The following FNDC1 variants were observed in gnomAD, a reference collection of about 807,000 sequenced individuals.
The protein encoded by FNDC1 is fibronectin type III domain-containing protein 1.
FNDC1 carries 96 observed loss-of-function variants against 168.0 expected under a neutral mutation model. The ratio of observed to expected loss-of-function variants is 0.57; its 90% CI spans 0.48 to 0.68. The LOEUF (loss-of-function observed/expected upper bound fraction) is 0.68. Ranked by LOEUF, FNDC1 falls within the 30% of genes least tolerant of loss-of-function variation. FNDC1 has a pLI of 0.00. For synonymous variants in FNDC1, 1,099 were observed against 1,025.9 expected (o/e 1.07, Z -1.36); for missense variants, 2,587 against 2,482.1 (o/e 1.04, Z -0.90).
intron 6 of FNDC1, 49 bp downstream of exon 6, chr6:159,221,745 C>A: frequency 2.2e-6 from 3 of 1,356,890 alleles, no homozygotes; most frequent in Non-Finnish European, 3.2e-6. Context: ...GGTATGAATG[C>A]TATGTTGTTT....
Position 159,271,544 on chromosome 6 carries a change from C to A in FNDC1, c.*102C>A, listed in dbSNP as rs1777749913. The A allele has an allele frequency of 1.2e-6, 1 of 854,286 alleles. No homozygotes were observed. Among genetic ancestry groups the A allele is most frequent in the Non-Finnish European group, 1.9e-6 (1 of 522,148 alleles). The allele number at this position is 854,286 out of a possible 1,614,324, so 52.9% of individuals were successfully genotyped here. The stretch of plus-strand genomic sequence containing the variant: ...CAGCCAGCGTGCTCAGCCCCGCTGC[C>A]CTAGGTGCCAGGAAGGTCATAGATG... On this transcript the variant is annotated 3_prime_UTR_variant, in exon 23 of 23. Transcript: ENST00000297267.
intron 4 of FNDC1, among the ~76,000 whole-genome samples, chr6:159,204,069 A>G (rs150769027): frequency 4.5e-4 from 69 of 152,254 alleles, no homozygotes; most frequent in East Asian, 7.7e-4. Flanking sequence ...TTTTCTTTAC[A>G]TTATATTTTA....
chr6:159,256,621 C>G lies in FNDC1; in HGVS notation c.5164C>G (p.Pro1722Ala). 1.2e-6 allele frequency: 2 copies of G among 1,610,002 alleles called. No individual in the cohort carries two copies. Among genetic ancestry groups the G allele is most frequent in the Non-Finnish European group, 1.7e-6 (2 of 1,176,292 alleles). ...VTHLPIENLKPNTRYYFKVQA... is the reference protein window; with the variant it reads ...VTHLPIENLKANTRYYFKVQA... The stretch of plus-strand genomic sequence containing the variant: ...TCACTTGCCCATTGAGAACCTAAAG[C>G]CCAACACGAGGTACGATGTGTCAGT... Residue 1722 changes from proline (P) to alanine (A), a missense_variant, in exon 18 of 23, where the codon CCC (proline) becomes GCC (alanine). By Grantham distance (27) the Pro-to-Ala change is conservative. Coordinates refer to ENST00000297267, the MANE Select transcript of FNDC1 (RefSeq NM_032532.3).
rs769040295 is a variant in FNDC1 at position 159,231,864 on chromosome 6, C to T, written c.1370-18C>T. On this transcript the variant is annotated intron_variant, in intron 10 of 22. Transcript: ENST00000297267. The stretch of plus-strand genomic sequence containing the variant: ...TGAGTTTCTTCTTTGACAGGCAATT[C>T]TTTAAAATCTGTTGCAGCCAGTAAG... The T allele has an allele frequency of 3.2e-6, 5 of 1,566,390 alleles. No individual in the cohort carries two copies. Among genetic ancestry groups the T allele is most frequent in the Non-Finnish European group, 4.3e-6 (5 of 1,161,632 alleles).
At position 159,234,482 on chromosome 6, in the gene FNDC1, A is replaced by T; in HGVS notation, c.3967+3A>T. The stretch of plus-strand genomic sequence containing the variant: ...TGCCAGACCCTCTTACAGACAAGGT[A>T]GTTTATTTTTTCAAACAGTCTTTCT... On this transcript the variant is annotated splice_donor_region_variant and intron_variant, in intron 11 of 22. Coordinates refer to ENST00000297267, the MANE Select transcript of FNDC1 (RefSeq NM_032532.3). 1 of 1,612,886 alleles carries T rather than the reference A, an allele frequency of 6.2e-7. No homozygotes were observed. The highest frequency in any genetic ancestry group is 8.5e-7 in the Non-Finnish European group (1 of 1,179,702).
At chr6:159,181,683 C>T (rs939747428) in intron 1 of FNDC1, among the ~76,000 whole-genome samples, 17 of 152,166 alleles carry the variant, frequency 1.1e-4, no homozygotes, top group Admixed American at 5.2e-4. Context: ...CCTTGCCTGG[C>T]GGGCACACTT....
chr6:159,221,103 G>A (rs1032660720), intron 5 of FNDC1, among the ~76,000 whole-genome samples: 1 of 152,334 alleles, frequency 6.6e-6, no homozygotes, highest in Admixed American at 6.5e-5. Flanking sequence ...GAAGGGCACA[G>A]CATTCCACAG....
chr6:159,233,644 G>A lies in FNDC1; in HGVS notation c.3132G>A (p.Thr1044=). The change falls in exon 11 of 23, where the codon ACG becomes ACA. Residue 1044 remains threonine (T), a synonymous_variant. Transcript: ENST00000297267. This position sits in a 1 kb window ranked among gnomAD's most constrained non-coding sequence, Gnocchi z 4.6. ...SLTQAGRPRP[T]SQGRSHSSSD... Reference sequence around the variant, plus strand: ...CCCAGGCCGGGCGGCCCCGCCCCACGTCGCAGGGCCGCTCCCACTCCTCCT... The same window carrying A: ...CCCAGGCCGGGCGGCCCCGCCCCACATCGCAGGGCCGCTCCCACTCCTCCT... 2 of 1,550,878 alleles carry A rather than the reference G, an allele frequency of 1.3e-6. No individual in the cohort carries two copies. The highest frequency in any genetic ancestry group is 1.7e-6 in the Non-Finnish European group (2 of 1,149,674).
At chr6:159,248,088 G>A (rs1025161318) in intron 15 of FNDC1, among the ~76,000 whole-genome samples, 2 of 152,088 alleles carry the variant, frequency 1.3e-5, no homozygotes. Context: ...TAATCCCAAG[G>A]TTTTCAAACA....
At chr6:159,186,439 A>G (rs1278779338) in intron 1 of FNDC1, among the ~76,000 whole-genome samples, 2 of 152,204 alleles carry the variant, frequency 1.3e-5, no homozygotes, top group Non-Finnish European at 2.9e-5. Context: ...CTCATCGTGC[A>G]ATGGTGCAGG....
chr6:159,215,407 G>C (rs1330262176), intron 5 of FNDC1, among the ~76,000 whole-genome samples: 1 of 152,188 alleles, frequency 6.6e-6, no homozygotes, highest in Middle Eastern at 3.2e-3. Flanking sequence ...CAGACTCCTT[G>C]AGTCAGGCCA....
At chr6:159,240,470 G>A (rs1310777772) in intron 14 of FNDC1, among the ~76,000 whole-genome samples, 1 of 152,204 alleles carries the variant, frequency 6.6e-6, no homozygotes, top group East Asian at 1.9e-4. Flanking sequence ...GAATCTCCAA[G>A]AAAAGGAATG....
At chr6:159,203,824 T>C (rs1782425916) in intron 4 of FNDC1, among the ~76,000 whole-genome samples, 2 of 152,090 alleles carry the variant, frequency 1.3e-5, no homozygotes, top group African/African-American at 4.8e-5. Context: ...CACAGACACA[T>C]CCCCACTCTG....
intron 1 of FNDC1, among the ~76,000 whole-genome samples, chr6:159,187,012 G>T (rs182680947): frequency 1.3e-5 from 2 of 152,308 alleles, no homozygotes; most frequent in Admixed American, 1.3e-4. Flanking sequence ...TGACAACCAC[G>T]GGGAATTTAG....
intron 5 of FNDC1, among the ~76,000 whole-genome samples, chr6:159,219,242 T>A (rs1562641779): frequency 6.6e-6 from 1 of 152,194 alleles, no homozygotes; most frequent in Admixed American, 6.5e-5. Context: ...GGTTTCACCA[T>A]GTTGGCAAGG....
intron 18 of FNDC1, among the ~76,000 whole-genome samples, chr6:159,258,198 C>G (rs1777413482): frequency 6.6e-6 from 1 of 152,198 alleles, no homozygotes; most frequent in African/African-American, 2.4e-5. Flanking sequence ...TTACTACACA[C>G]TTCCTGAGCG....
intron 1 of FNDC1, among the ~76,000 whole-genome samples, chr6:159,184,535 C>T (rs985094994): frequency 6.6e-6 from 1 of 152,130 alleles, no homozygotes; most frequent in Non-Finnish European, 1.5e-5. Flanking sequence ...TATGTGGTAG[C>T]TGGCTCTTGG....
In FNDC1 at chr6:159,231,891, C is replaced by T. The variant is rs773772923; in HGVS notation, c.1379C>T (p.Ala460Val). ...TTAAAATCTGTTGCAGCCAGTAAGG[C>T]GGATGTTGAGCAGAACACGGAGGAC... ...FIVAMPTTSK[A>V]DVEQNTEDNG... The change falls in exon 11 of 23, where the codon GCG becomes GTG. Residue 460 changes from alanine (A) to valine (V), a missense_variant. Ala to Val is a moderately conservative substitution (Grantham distance 64, BLOSUM62 0). Coordinates refer to ENST00000297267, the MANE Select transcript of FNDC1 (RefSeq NM_032532.3). 3 of 1,594,982 alleles carry T rather than the reference C, an allele frequency of 1.9e-6. No individual in the cohort carries two copies. The highest frequency in any genetic ancestry group is 2.2e-5 in the East Asian group (1 of 44,776).
At position 159,267,841 on chromosome 6, in the gene FNDC1, T is replaced by C; in HGVS notation, c.5484T>C (p.Gly1828=). 6.2e-7 allele frequency: 1 copy of C among 1,613,674 alleles called. No homozygotes were observed. Among genetic ancestry groups the C allele is most frequent in the Admixed American group, 1.7e-5 (1 of 60,000 alleles). The change falls in exon 22 of 23, where the codon GGT becomes GGC. Residue 1828 remains glycine (G), a synonymous_variant. Coordinates refer to ENST00000297267, the MANE Select transcript of FNDC1 (RefSeq NM_032532.3). The part of the protein sequence containing the change: ...FYSIGDSWGR[G]EDHCQFVDSH... Reference sequence around the variant, plus strand: ...GCATTGGAGACAGCTGGGGAAGAGGTGAAGACCATTGCCAATTTGTGGATT... The same window carrying C: ...GCATTGGAGACAGCTGGGGAAGAGGCGAAGACCATTGCCAATTTGTGGATT...
Sources: gnomAD v4.1 joint callset for allele counts (sites outside exome capture counted in the v4.1 genomes callset) on GRCh38, gnomAD v4.1.1 for gene constraint, Gnocchi (gnomAD v3.1) non-coding constraint, MANE v1.5 for transcripts, NCBI Gene and HGNC (gene_info 2026-07-23, HGNC 2026-07-21) for gene names.